Variants in SPATA6 observed in about 807,000 individuals in gnomAD.
The protein encoded by SPATA6 is spermatogenesis associated 6, also known as spermatogenesis-associated protein 6.
SPATA6 carries 56 observed loss-of-function variants against 65.3 expected under a neutral mutation model. The ratio of observed to expected loss-of-function variants is 0.86; its 90% CI spans 0.69 to 1.07. SPATA6 has a LOEUF of 1.07. SPATA6 is among the 50% of genes least tolerant of loss of function. The pLI, the probability that SPATA6 is intolerant of heterozygous loss-of-function variation, is 0.00. For missense variants in SPATA6, 590 were observed against 594.8 expected (o/e 0.99, Z 0.08); for synonymous variants, 199 against 213.2 (o/e 0.93, Z 0.58).
intron 9 of SPATA6, among the ~76,000 whole-genome samples, chr1:48,382,454 G>A (rs1648774722): frequency 1.5e-5 from 2 of 137,364 alleles, no homozygotes; most frequent in African/African-American, 2.8e-5. Flanking sequence ...GGCTGGCTGG[G>A]CGGGGGGCTG....
chr1:48,325,684 A>C, intron 11 of SPATA6: 1 of 590,930 alleles, frequency 1.7e-6, no homozygotes, highest in Non-Finnish European at 3.2e-6. Flanking sequence ...TGAGTTAATC[A>C]TCCTCTTCAC....
At position 48,383,450 on chromosome 1, in the gene SPATA6, G is replaced by A. The variant is rs1347356870; in HGVS notation, c.909+1859C>T. Among the ~76,000 whole-genome samples the A allele has an allele frequency of 2.3e-4, 7 of 30,340 alleles. 3 individuals carry two copies. The highest frequency in any genetic ancestry group is 4.5e-4 in the Non-Finnish European group (6 of 13,396). 19.9% of individuals were successfully genotyped at this position (30,340 alleles called of 152,430 possible). ...CGGGCAGAGGAGCCCCTCACCTCCC[G>A]GACGGGGCGGCTGGCCGGCGGGGGG... is the stretch of plus-strand genomic sequence containing the variant. On this transcript the variant is annotated intron_variant, in intron 9 of 12. Coordinates refer to ENST00000371847, the MANE Select transcript of SPATA6 (RefSeq NM_019073.4).
intron 9 of SPATA6, among the ~76,000 whole-genome samples, chr1:48,384,894 G>GA (rs1188349472): frequency 6.6e-6 from 1 of 152,090 alleles, no homozygotes; most frequent in Non-Finnish European, 1.5e-5. Context: ...GAAAGAAAGT[G>GA]AATTTAAGGA....
intron 9 of SPATA6, among the ~76,000 whole-genome samples, chr1:48,374,406 C>A (rs889707296): frequency 3.3e-5 from 5 of 151,718 alleles, no homozygotes; most frequent in Admixed American, 3.3e-4. Context: ...AATGGAAAAA[C>A]ATATAACTTT....
intron 9 of SPATA6, among the ~76,000 whole-genome samples, chr1:48,374,313 A>T (rs1037960988): frequency 3.1e-4 from 46 of 149,130 alleles, no homozygotes; most frequent in Admixed American, 1.7e-3. Context: ...TAATTTTATA[A>T]AAAAAAAAAA....
intron 9 of SPATA6, among the ~76,000 whole-genome samples, chr1:48,363,333 C>G (rs1021663577): frequency 6.6e-6 from 1 of 152,124 alleles, no homozygotes; most frequent in Non-Finnish European, 1.5e-5. Context: ...TAGCTCATCA[C>G]AGAAGGGTTA....
chr1:48,455,648 G>T (rs1570632254), intron 1 of SPATA6, among the ~76,000 whole-genome samples: 1 of 152,226 alleles, frequency 6.6e-6, no homozygotes, highest in East Asian at 1.9e-4. Flanking sequence ...CCAAAGTGCT[G>T]GGATTACAGG....
intron 3 of SPATA6, among the ~76,000 whole-genome samples, chr1:48,438,144 C>A (rs894029351): frequency 2.0e-5 from 3 of 152,134 alleles, no homozygotes; most frequent in Non-Finnish European, 2.9e-5. Flanking sequence ...TGCTGCTGCT[C>A]ACTCTTTGGG....
At chr1:48,279,906 T>A in the SPATA6 span, among the ~76,000 whole-genome samples, 3 of 152,234 alleles carry the variant, frequency 2.0e-5, no homozygotes, top group South Asian at 6.2e-4. Flanking sequence ...ACCACACCTA[T>A]TCCAAAACTG....
rs2147980710 is a variant in SPATA6, at chr1:48,411,455, A to G, written c.405+9T>C. The G allele has an allele frequency of 6.2e-7, 1 of 1,601,998 alleles. No homozygotes were observed. Among genetic ancestry groups the G allele is most frequent in the East Asian group, 2.2e-5 (1 of 44,532 alleles). ...TCAAAAACTGATTCAGAAAATTGCA[A>G]GCACTTACTCGAAGGCCAGAAATCC... is the stretch of plus-strand genomic sequence containing the variant. On this transcript the variant is annotated intron_variant, in intron 5 of 12. Transcript: ENST00000371847.
intron 11 of SPATA6, among the ~76,000 whole-genome samples, chr1:48,316,667 C>A (rs1645432666): frequency 6.6e-6 from 1 of 152,028 alleles, no homozygotes; most frequent in South Asian, 2.1e-4. Flanking sequence ...GCAACAAAAG[C>A]CAAAATTGAC....
chr1:48,282,863 G>A, the SPATA6 span, among the ~76,000 whole-genome samples: 1 of 152,050 alleles, frequency 6.6e-6, no homozygotes, highest in Non-Finnish European at 1.5e-5. Context: ...AAATCATGCT[G>A]CTATAAAGAC....
intron 11 of SPATA6, among the ~76,000 whole-genome samples, chr1:48,318,927 T>TATATATAATAGCATAAGA (rs1287033841): frequency 6.6e-6 from 1 of 152,114 alleles, no homozygotes; most frequent in Non-Finnish European, 1.5e-5. Flanking sequence ...GATATATAGA[T>TATATATAATAGCATAAGA]CAATGAAACA....
At chr1:48,394,346 A>G (rs548756482) in intron 8 of SPATA6, among the ~76,000 whole-genome samples, 2 of 152,144 alleles carry the variant, frequency 1.3e-5, no homozygotes, top group Admixed American at 1.3e-4. Flanking sequence ...TCTTCCAAAG[A>G]AACATCTATA....
intron 3 of SPATA6, among the ~76,000 whole-genome samples, chr1:48,418,369 CT>C (rs1652978033): frequency 6.6e-6 from 1 of 151,678 alleles, no homozygotes; most frequent in Non-Finnish European, 1.5e-5. Context: ...AAGCAAAATC[CT>C]GTCTTCTAGA....
At chr1:48,365,994 T>G (rs999194343) in intron 9 of SPATA6, among the ~76,000 whole-genome samples, 1 of 152,238 alleles carries the variant, frequency 6.6e-6, no homozygotes, top group African/African-American at 2.4e-5. Context: ...TTGAGACTTT[T>G]TAGCATGAAG....
chr1:48,275,755 T>C, the SPATA6 span, among the ~76,000 whole-genome samples: 91,160 of 152,016 alleles, frequency 0.6, 28,024 homozygotes, highest in East Asian at 0.81. Context: ...CTGCTGGATT[T>C]GATTTAGCAG....
intron 3 of SPATA6, among the ~76,000 whole-genome samples, chr1:48,423,564 C>CTTTTTTTTTT (rs781669150): frequency 3.6e-4 from 44 of 121,062 alleles, no homozygotes; most frequent in African/African-American, 7.2e-4. Context: ...TTCTTTCTTT[C>CTTTTTTTTTT]TTTTTTTTTT....
At chr1:48,320,186 GAA>G (rs1645560914) in intron 11 of SPATA6, among the ~76,000 whole-genome samples, 1 of 152,202 alleles carries the variant, frequency 6.6e-6, no homozygotes, top group East Asian at 1.9e-4. Flanking sequence ...AGATAGGGTA[GAA>G]AGTTTATTCA....
Sources: gnomAD v4.1 joint callset for allele counts (sites outside exome capture counted in the v4.1 genomes callset) on GRCh38, gnomAD v4.1.1 for gene constraint, MANE v1.5 for transcripts, NCBI Gene and HGNC (gene_info 2026-07-23, HGNC 2026-07-21) for gene names.